FCHO2: variants seen among roughly 807,000 people sequenced by gnomAD.
FCHO2 encodes FCH and mu domain containing endocytic adaptor 2.
FCHO2 carries 43 observed loss-of-function variants against 114.1 expected under a neutral mutation model. That is an observed-to-expected ratio of 0.38 (90% CI 0.30 to 0.49). FCHO2 has a LOEUF of 0.49. FCHO2 is among the 20% of genes least tolerant of loss of function. The pLI is 0.97. For missense variants in FCHO2, 807 were observed against 950.4 expected (o/e 0.85, Z 1.98); for synonymous variants, 293 against 315.2 (o/e 0.93, Z 0.75).
chr5:73,034,596 GT>G (rs1756402716), intron 8 of FCHO2, 60 bp from the exon 9 acceptor site: 1 of 1,343,186 alleles, frequency 7.4e-7, no homozygotes, highest in South Asian at 1.4e-5. Flanking sequence ...TAAAAAAAAA[GT>G]TTTAAAATTT....
rs182869061 is a variant in FCHO2, at chr5:73,034,978, C to A, written c.841+277C>A. ...TTTAAATATACATTGAAATAGTTTT[C>A]TTCATTGACATCCATGTTTAAGCCT... On this transcript the variant is annotated intron_variant, in intron 9 of 25. Coordinates refer to ENST00000430046, the MANE Select transcript of FCHO2 (RefSeq NM_138782.3). 1.1e-3 allele frequency among the ~76,000 whole-genome samples: 165 copies of A among 152,238 alleles called. 1 individual carries two copies. Among genetic ancestry groups the A allele is most frequent in the African/African-American group, 3.9e-3 (162 of 41,546 alleles).
chr5:72,989,442 G>T lies in FCHO2; in HGVS notation c.141G>T (p.Glu47Asp). The T allele has an allele frequency of 6.2e-7, 1 of 1,606,302 alleles. No homozygotes were observed. Among genetic ancestry groups the T allele is most frequent in the Non-Finnish European group, 8.5e-7 (1 of 1,176,136 alleles). Residue 47 changes from glutamate (E) to aspartate (D), a missense_variant, in exon 3 of 26, where the codon GAG becomes GAT. Coordinates refer to ENST00000430046, the MANE Select transcript of FCHO2 (RefSeq NM_138782.3). ...DFVRERATIE[E>D]AYSRSMTKLA... ...GATTTAACAGAGCTACCATAGAGGA[G>T]GCATACTCCAGGTCAATGACAAAAC... is the stretch of plus-strand genomic sequence containing the variant.
In FCHO2 at chr5:73,017,326, G is replaced by A. The variant is rs1315928666; in HGVS notation, c.796+18G>A. The A allele has an allele frequency of 1.4e-6, 2 of 1,465,952 alleles. No homozygotes were observed. Among genetic ancestry groups the A allele is most frequent in the Non-Finnish European group, 1.8e-6 (2 of 1,086,216 alleles). 90.8% of individuals were successfully genotyped at this position (1,465,952 alleles called of 1,614,324 possible). ...AAGACCTGGTAAGATGATAAACTCT[G>A]CAAGGAAACATTTTAAATTTTCCCA... On this transcript the variant is annotated intron_variant, in intron 8 of 25. Coordinates refer to ENST00000430046, the MANE Select transcript of FCHO2 (RefSeq NM_138782.3).
rs950923203 is a variant in FCHO2, at chr5:72,997,602, G to A, written c.495+6738G>A. Reference sequence around the variant, plus strand: ...GCCCTCAGGTTCACCGCTGATGTTCGTTCCGTGCTGAGCCGCAACCTTCAC... The same window carrying A: ...GCCCTCAGGTTCACCGCTGATGTTCATTCCGTGCTGAGCCGCAACCTTCAC... On this transcript the variant is annotated intron_variant, in intron 5 of 25. Transcript: ENST00000430046. 1.4e-5 allele frequency: 19 copies of A among 1,386,898 alleles called. No homozygotes were observed. The South Asian group carries it at 1.7e-4, about 13-fold the overall frequency. 85.9% of individuals were successfully genotyped at this position (1,386,898 alleles called of 1,614,324 possible).
chr5:73,072,301 T>C (rs1742694619), intron 19 of FCHO2, among the ~76,000 whole-genome samples: 1 of 152,048 alleles, frequency 6.6e-6, no homozygotes, highest in Admixed American at 6.6e-5. Flanking sequence ...TGTGCACTGT[T>C]GGTGAGAATG....
chr5:72,957,972 G>T (rs1394007633), intron 1 of FCHO2, among the ~76,000 whole-genome samples: 2 of 151,320 alleles, frequency 1.3e-5, no homozygotes, highest in Non-Finnish European at 2.9e-5. Context: ...ATTTTCTTTG[G>T]AGAAATGTCT....
intron 24 of FCHO2, among the ~76,000 whole-genome samples, chr5:73,083,368 A>G (rs573473526): frequency 3.9e-5 from 6 of 152,230 alleles, no homozygotes; most frequent in Non-Finnish European, 8.8e-5. Context: ...TGTGTTCTCT[A>G]TAAGAAAAAA....
chr5:73,033,126 C>G (rs900971572), intron 8 of FCHO2, among the ~76,000 whole-genome samples: 1 of 152,072 alleles, frequency 6.6e-6, no homozygotes, highest in Non-Finnish European at 1.5e-5. Context: ...TCCAGATTTG[C>G]AGAATGGGTT....
At chr5:72,988,601 G>A (rs1405965138) in intron 2 of FCHO2, among the ~76,000 whole-genome samples, 3 of 152,096 alleles carry the variant, frequency 2.0e-5, no homozygotes, top group Non-Finnish European at 2.9e-5. Context: ...GTTTTCTAGT[G>A]TGAAATATTT....
At chr5:73,067,247 A>T (rs1463445668) in intron 18 of FCHO2, among the ~76,000 whole-genome samples, 1 of 152,060 alleles carries the variant, frequency 6.6e-6, no homozygotes. Flanking sequence ...CAGTCACATT[A>T]TGTTGGCCTA....
intron 2 of FCHO2, among the ~76,000 whole-genome samples, chr5:72,988,027 G>T (rs1425120383): frequency 6.6e-6 from 1 of 152,160 alleles, no homozygotes; most frequent in Non-Finnish European, 1.5e-5. Flanking sequence ...CAGAAAGTTG[G>T]TTGGACCAAT....
rs555398065 is a variant in FCHO2, at chr5:73,081,916, A to G, written c.2114A>G (p.Asn705Ser). 1.9e-6 allele frequency: 3 copies of G among 1,611,318 alleles called. No individual in the cohort carries two copies. The highest frequency in any genetic ancestry group is 1.1e-5 in the South Asian group (1 of 90,580). Residue 705 changes from asparagine to serine, a missense_variant, in exon 23 of 26, where the codon AAC becomes AGC. Physicochemically the swap from Asn to Ser is conservative, Grantham distance 46 (BLOSUM62 1). Transcript: ENST00000430046. ...EAMVAPSVLS[N>S]IQVVVPVDGG... ...ATGGTGGCACCTAGTGTGCTTTCCA[A>G]CATACAGGTGGTGGTACCAGTGGAT...
At chr5:72,987,898 G>T (rs1301889665) in intron 2 of FCHO2, among the ~76,000 whole-genome samples, 1 of 152,154 alleles carries the variant, frequency 6.6e-6, no homozygotes, top group Non-Finnish European at 1.5e-5. Flanking sequence ...TTGGAGATTA[G>T]TTTAGATATT....
In FCHO2 at chr5:73,041,232, C is replaced by T. The variant is rs182840701; in HGVS notation, c.915-59C>T. Reference sequence around the variant, plus strand: ...TAAGTACCAAAGTAAATACTTTAAACAAGCATAATTAGCAGACAATTCTAA... The same window carrying T: ...TAAGTACCAAAGTAAATACTTTAAATAAGCATAATTAGCAGACAATTCTAA... On this transcript the variant is annotated intron_variant, in intron 10 of 25. Coordinates refer to ENST00000430046, the MANE Select transcript of FCHO2 (RefSeq NM_138782.3). 195 of 1,117,898 alleles carry T rather than the reference C, an allele frequency of 1.7e-4. 1 individual carries two copies. The East Asian group carries it at 4.4e-3, about 25-fold the overall frequency. 69.2% of individuals were successfully genotyped at this position (1,117,898 alleles called of 1,614,324 possible).
At chr5:72,994,549 A>G (rs1310890439) in intron 5 of FCHO2, among the ~76,000 whole-genome samples, 1 of 152,230 alleles carries the variant, frequency 6.6e-6, no homozygotes, top group Non-Finnish European at 1.5e-5. Flanking sequence ...AAATTAATTC[A>G]GCCATTGTGG....
rs1467113351 is a variant in FCHO2, at chr5:72,974,377, C to T, written c.125+5788C>T. Among the ~76,000 whole-genome samples, 3 of 145,646 alleles carry T rather than the reference C, an allele frequency of 2.1e-5. No homozygotes were observed. The East Asian group carries it at 6.3e-4, about 30-fold the overall frequency. ...GTCACTCAGGACTTGCTTTATGAAT[C>T]TGGGTGCTCCTGTATTGGGTGCATA... On this transcript the variant is annotated intron_variant, in intron 2 of 25. Coordinates refer to ENST00000430046, the MANE Select transcript of FCHO2 (RefSeq NM_138782.3).
chr5:72,975,660 A>G (rs1051578901), intron 2 of FCHO2, among the ~76,000 whole-genome samples: 1 of 152,080 alleles, frequency 6.6e-6, no homozygotes, highest in Non-Finnish European at 1.5e-5. Flanking sequence ...ATGCACCACC[A>G]TGCCTGGCTA....
chr5:73,033,247 A>G (rs1478680622), intron 8 of FCHO2, among the ~76,000 whole-genome samples: 2 of 152,134 alleles, frequency 1.3e-5, no homozygotes, highest in Non-Finnish European at 2.9e-5. Context: ...AGAAGAATGT[A>G]TTAGTAAGGA....
At chr5:73,083,970 T>A (rs1278744690) in intron 24 of FCHO2, among the ~76,000 whole-genome samples, 1 of 151,862 alleles carries the variant, frequency 6.6e-6, no homozygotes, top group Non-Finnish European at 1.5e-5. Context: ...TTTCCCCCTA[T>A]TAAAGCTAAC....
Sources: allele counts gnomAD v4.1 joint callset (sites outside exome capture counted in the v4.1 genomes callset), GRCh38; gene constraint gnomAD v4.1.1; transcripts MANE v1.5; gene names NCBI Gene and HGNC (gene_info 2026-07-23, HGNC 2026-07-21).